KCNJ16: variants seen among roughly 807,000 people sequenced by gnomAD.
KCNJ16 encodes potassium inwardly rectifying channel subfamily J member 16, also known as inward rectifier potassium channel 16.
Under a neutral mutation model 18.5 loss-of-function variants are expected in KCNJ16, and 15 were observed. The ratio of observed to expected loss-of-function variants is 0.81; its 90% CI spans 0.54 to 1.25. KCNJ16 has a LOEUF of 1.25. Among genes scored for constraint, KCNJ16 ranks in the 50% most tolerant of loss-of-function variants. The pLI is 0.00. For synonymous variants in KCNJ16, 174 were observed against 186.5 expected (o/e 0.93, Z 0.55); for missense variants, 523 against 525.7 (o/e 0.99, Z 0.05).
intron 1 of KCNJ16, among the ~76,000 whole-genome samples, chr17:70,080,236 T>C (rs2071495368): frequency 6.6e-6 from 1 of 152,166 alleles, no homozygotes; most frequent in Non-Finnish European, 1.5e-5. Context: ...GTCCTACCTC[T>C]GAATAACTGT....
intron 2 of KCNJ16, chr17:70,101,541 T>C (rs2072619292): frequency 6.6e-6 from 1 of 152,210 alleles, no homozygotes; most frequent in Non-Finnish European, 1.5e-5. Flanking sequence ...TAACATAGCC[T>C]TAATGCTAAT....
rs1403533098 is a variant in KCNJ16 at position 70,134,473 on chromosome 17, A to G, written c.*1129A>G. 1 of 167,002 alleles carries G rather than the reference A, an allele frequency of 6.0e-6. No individual in the cohort carries two copies. The highest frequency in any genetic ancestry group is 1.5e-5 in the Non-Finnish European group (1 of 68,118). 10.3% of individuals were successfully genotyped at this position (167,002 alleles called of 1,614,324 possible). On this transcript the variant is annotated 3_prime_UTR_variant, in exon 4 of 4. Transcript: ENST00000392671. ...GAAGGATTTTGTGAGATAGAATTCAATTAAAGCGATTTGAATGCACAGTAA... is the reference window on the plus strand; with the variant it reads ...GAAGGATTTTGTGAGATAGAATTCAGTTAAAGCGATTTGAATGCACAGTAA...
At chr17:70,083,995 T>A (rs2071678637) in intron 1 of KCNJ16, among the ~76,000 whole-genome samples, 1 of 151,962 alleles carries the variant, frequency 6.6e-6, no homozygotes, top group African/African-American at 2.4e-5. Flanking sequence ...CACAGTACCC[T>A]CCCTCTGTAA....
chr17:70,132,130 G>C lies in KCNJ16; in HGVS notation c.43G>C (p.Ala15Pro). ...GSSYHIINAD[A>P]KYPGYPPEHI... is the part of the protein sequence containing the mutation. ...CAGCTATCATATTATCAATGCGGAC[G>C]CAAAATACCCAGGCTACCCGCCAGA... The change falls in exon 4 of 4, where the codon GCA becomes CCA. Residue 15 changes from alanine to proline, a missense_variant. Physicochemically the swap from Ala to Pro is conservative, Grantham distance 27 (BLOSUM62 -1). Transcript: ENST00000392671. The C allele has an allele frequency of 6.2e-7, 1 of 1,614,114 alleles. No homozygotes were observed. Among genetic ancestry groups the C allele is most frequent in the African/African-American group, 1.3e-5 (1 of 75,014 alleles).
intron 1 of KCNJ16, among the ~76,000 whole-genome samples, chr17:70,079,942 A>T (rs1483046305): frequency 1.3e-5 from 2 of 152,272 alleles, no homozygotes; most frequent in East Asian, 3.9e-4. Flanking sequence ...GCCTCAAGTA[A>T]TCCACCCACT....
chr17:70,120,330 A>C, intron 2 of KCNJ16, among the ~76,000 whole-genome samples: 1 of 150,666 alleles, frequency 6.6e-6, no homozygotes, highest in Admixed American at 6.6e-5. Flanking sequence ...AGTCCTCCAA[A>C]CTCTTCCACC....
chr17:70,088,571 C>A (rs1427507328), intron 1 of KCNJ16, among the ~76,000 whole-genome samples: 1 of 152,044 alleles, frequency 6.6e-6, no homozygotes, highest in Non-Finnish European at 1.5e-5. Context: ...GGTAACATTC[C>A]CAGGGGATTA....
chr17:70,088,270 ATTAG>A (rs2071929120), intron 1 of KCNJ16, among the ~76,000 whole-genome samples: 1 of 152,258 alleles, frequency 6.6e-6, no homozygotes, highest in African/African-American at 2.4e-5. Flanking sequence ...ATCATCAGGC[ATTAG>A]TTAGATTCTC....
chr17:70,101,050 T>A (rs773111962), intron 2 of KCNJ16: 1 of 152,230 alleles, frequency 6.6e-6, no homozygotes, highest in Non-Finnish European at 1.5e-5. Context: ...CAGTCTATTA[T>A]ACATTCTGCT....
At chr17:70,126,038 TG>T (rs1357528354) in intron 2 of KCNJ16, among the ~76,000 whole-genome samples, 1 of 152,106 alleles carries the variant, frequency 6.6e-6, no homozygotes, top group Non-Finnish European at 1.5e-5. Flanking sequence ...ATGCCCACCT[TG>T]GGTGCAATGC....
At chr17:70,099,888 T>C (rs1394520783) in intron 1 of KCNJ16, among the ~76,000 whole-genome samples, 1 of 152,160 alleles carries the variant, frequency 6.6e-6, no homozygotes, top group Non-Finnish European at 1.5e-5. Context: ...CTGATTTATT[T>C]GTGATTTCAG....
At chr17:70,121,648 G>A (rs1567801817) in intron 2 of KCNJ16, among the ~76,000 whole-genome samples, 5 of 152,122 alleles carry the variant, frequency 3.3e-5, no homozygotes. Flanking sequence ...TTTAAAAGAG[G>A]GCTGCGTGTA....
intron 2 of KCNJ16, among the ~76,000 whole-genome samples, chr17:70,106,828 G>C (rs573216191): frequency 2.0e-5 from 3 of 152,166 alleles, no homozygotes; most frequent in Non-Finnish European, 2.9e-5. Flanking sequence ...CATGGGGGTC[G>C]AGAAGAAAGT....
intron 2 of KCNJ16, among the ~76,000 whole-genome samples, chr17:70,106,958 C>G (rs192446856): frequency 6.6e-6 from 1 of 152,324 alleles, no homozygotes; most frequent in East Asian, 1.9e-4. Flanking sequence ...CTCAGAATAT[C>G]TGCTTTAAAG....
intron 2 of KCNJ16, chr17:70,102,287 G>GCA (rs1256502841): frequency 7.9e-6 from 1 of 125,836 alleles, no homozygotes; most frequent in Non-Finnish European, 1.6e-5. Context: ...GAGTGCAGTG[G>GCA]CACAATCTTA....
intron 1 of KCNJ16, among the ~76,000 whole-genome samples, chr17:70,087,660 T>C (rs959663965): frequency 2.1e-4 from 32 of 152,064 alleles, no homozygotes; most frequent in African/African-American, 7.7e-4. Flanking sequence ...TGGGCCGAGA[T>C]TGCACCACTG....
chr17:70,104,248 G>A (rs2072807333), intron 2 of KCNJ16, among the ~76,000 whole-genome samples: 1 of 152,146 alleles, frequency 6.6e-6, no homozygotes, highest in African/African-American at 2.4e-5. Flanking sequence ...TTACAGGAAT[G>A]AGCCACTGCA....
chr17:70,122,209 G>C (rs2073669919), intron 2 of KCNJ16, among the ~76,000 whole-genome samples: 2 of 150,396 alleles, frequency 1.3e-5, no homozygotes, highest in African/African-American at 4.9e-5. Context: ...GTCTTGCTGT[G>C]TTACCCAGGC....
chr17:70,080,074 G>T (rs1031240952), intron 1 of KCNJ16, among the ~76,000 whole-genome samples: 2 of 152,114 alleles, frequency 1.3e-5, no homozygotes, highest in African/African-American at 4.8e-5. Flanking sequence ...TTTTTAAATT[G>T]AGGTAAAGAG....
Sources: allele counts gnomAD v4.1 joint callset (sites outside exome capture counted in the v4.1 genomes callset), GRCh38; gene constraint gnomAD v4.1.1; transcripts MANE v1.5; gene names NCBI Gene and HGNC (gene_info 2026-07-23, HGNC 2026-07-21).